CHIC1: variants seen among roughly 807,000 people sequenced by gnomAD.
CHIC1 encodes the protein cysteine rich hydrophobic domain 1.
In CHIC1, 7 loss-of-function variants were observed where a neutral mutation model predicts 18.5. The ratio of observed to expected loss-of-function variants is 0.38; its 90% CI spans 0.22 to 0.71. The LOEUF (loss-of-function observed/expected upper bound fraction) is 0.71. Among genes scored for constraint, CHIC1 ranks in the 30% least tolerant of loss-of-function variants. CHIC1 has a pLI of 0.49. For missense variants in CHIC1, 159 were observed against 176.9 expected (o/e 0.90, Z 0.57); for synonymous variants, 77 against 73.5 (o/e 1.05, Z -0.25).
rs749851022 is a variant in CHIC1 at position 73,685,518 on chromosome X, G to T, written c.*4513G>T. On this transcript the variant is annotated 3_prime_UTR_variant, in exon 6 of 6. Coordinates refer to ENST00000373502, the MANE Select transcript of CHIC1 (RefSeq NM_001039840.4). Reference sequence around the variant, plus strand: ...TGTTGGAACAAATTGATAAAATTAGGTGGAAAGGAAAGTGGTATGGGACTC... The same window carrying T: ...TGTTGGAACAAATTGATAAAATTAGTTGGAAAGGAAAGTGGTATGGGACTC... 9.0e-6 allele frequency: 1 copy of T among 111,588 alleles called. No individual in the cohort carries two copies. Among genetic ancestry groups the T allele is most frequent in the South Asian group, 3.7e-4 (1 of 2,681 alleles). The allele number at this position is 111,588 out of a possible 1,213,427, so 9.2% of individuals were successfully genotyped here.
At chrX:73,642,695 T>C (rs1357924488) in intron 3 of CHIC1, among the ~76,000 whole-genome samples, 2 of 111,251 alleles carry the variant, frequency 1.8e-5, no homozygotes, top group Non-Finnish European at 3.8e-5. Flanking sequence ...TTAATTTTTG[T>C]ATAAAGGTGT....
At chrX:73,647,248 A>G (rs1208313631) in intron 3 of CHIC1, among the ~76,000 whole-genome samples, 1 of 112,190 alleles carries the variant, frequency 8.9e-6, no homozygotes, top group Non-Finnish European at 1.9e-5. Flanking sequence ...AGCCATGCAG[A>G]TTCTCAACAG....
At chrX:73,575,253 A>G (rs984212793) in intron 1 of CHIC1, among the ~76,000 whole-genome samples, 1 of 110,148 alleles carries the variant, frequency 9.1e-6, no homozygotes, top group Non-Finnish European at 1.9e-5. Context: ...TGGGCAAGTC[A>G]TTTAATTTAT....
At chrX:73,601,303 C>G (rs1321610081) in intron 3 of CHIC1, among the ~76,000 whole-genome samples, 2 of 104,750 alleles carry the variant, frequency 1.9e-5, no homozygotes, top group Non-Finnish European at 3.8e-5. Context: ...TGACCACATA[C>G]TTGGAAGTAA....
chrX:73,604,651 A>G (rs965949883), intron 3 of CHIC1, among the ~76,000 whole-genome samples: 1 of 108,849 alleles, frequency 9.2e-6, no homozygotes, highest in Admixed American at 9.7e-5. Context: ...TAGTGCTCTA[A>G]ATTTTCCTCT....
rs937763977 is a variant in CHIC1, at chrX:73,683,475, A to G, written c.*2470A>G. On this transcript the variant is annotated 3_prime_UTR_variant, in exon 6 of 6. Transcript: ENST00000373502. ...TGGTTGCAGTGAATGCTAAAATGAC[A>G]CAGCACACTGGTGATTAATTCCTCC... The G allele has an allele frequency of 2.7e-5, 3 of 111,491 alleles. No individual in the cohort carries two copies. Among genetic ancestry groups the G allele is most frequent in the Admixed American group, 9.6e-5 (1 of 10,446 alleles). 9.2% of individuals were successfully genotyped at this position (111,491 alleles called of 1,213,427 possible). A position where few individuals can be genotyped will look rare whatever the true frequency, so the allele number is the denominator to read the frequency against.
At chrX:73,564,225 T>G (rs968792316) in intron 1 of CHIC1, among the ~76,000 whole-genome samples, 1 of 111,234 alleles carries the variant, frequency 9.0e-6, no homozygotes, top group East Asian at 2.8e-4. Flanking sequence ...TCAGGTTGCT[T>G]TTTCTCATTT....
At position 73,638,401 on chromosome X, in the gene CHIC1, G is replaced by T. The variant is rs140099950; in HGVS notation, c.508-40925G>T. Among the ~76,000 whole-genome samples the T allele has an allele frequency of 6.4e-3, 709 of 111,474 alleles. 8 individuals carry two copies. The highest frequency in any genetic ancestry group is 0.022 in the African/African-American group (664 of 30,698). On this transcript the variant is annotated intron_variant, in intron 3 of 5. Transcript: ENST00000373502. ...TCTTCTTTCTCTGTTTCAAGAGAGA[G>T]AATTGAGATCTGAGTTCCTACCTCA...
chrX:73,655,443 CATAT>C (rs1171857952), intron 3 of CHIC1, among the ~76,000 whole-genome samples: 1 of 44,993 alleles, frequency 2.2e-5, no homozygotes, highest in African/African-American at 7.0e-5. Flanking sequence ...TATATATATA[CATAT>C]ATACACAATA....
intron 3 of CHIC1, among the ~76,000 whole-genome samples, chrX:73,632,132 T>C (rs185321586): frequency 7.1e-5 from 8 of 112,536 alleles, no homozygotes; most frequent in African/African-American, 2.3e-4. Context: ...AAGTGGTTTA[T>C]AAATGTATAT....
At chrX:73,663,824 C>T (rs2057992260) in intron 3 of CHIC1, among the ~76,000 whole-genome samples, 1 of 111,178 alleles carries the variant, frequency 9.0e-6, no homozygotes, top group Non-Finnish European at 1.9e-5. Context: ...ACTGAGCTAT[C>T]TTTGATCCAG....
Position 73,584,480 on chromosome X carries a change from C to G in CHIC1, c.415C>G (p.Pro139Ala), listed in dbSNP as rs368257423. 4 of 1,173,051 alleles carry G rather than the reference C, an allele frequency of 3.4e-6. No individual in the cohort carries two copies. The African/African-American group carries it at 7.2e-5, about 21-fold the overall frequency. The change falls in exon 3 of 6, where the codon CCG becomes GCG. Residue 139 changes from proline (P) to alanine (A), a missense_variant. By Grantham distance (27) the Pro-to-Ala change is conservative. Transcript: ENST00000373502. ...RVNACLKKAL[P>A]VNVKWLLCGC... Reference sequence around the variant, plus strand: ...GAATGCATGTTTGAAAAAGGCTCTCCCGGTCAATGTGAAATGGCTGCTGTG... The same window carrying G: ...GAATGCATGTTTGAAAAAGGCTCTCGCGGTCAATGTGAAATGGCTGCTGTG...
chrX:73,674,570 G>A (rs768061869), intron 3 of CHIC1, among the ~76,000 whole-genome samples: 5 of 111,530 alleles, frequency 4.5e-5, no homozygotes, highest in South Asian at 3.8e-4. Context: ...CTGTGGGATC[G>A]GTGGTGATAT....
At chrX:73,675,960 G>T (rs1220912761) in intron 3 of CHIC1, among the ~76,000 whole-genome samples, 1 of 110,811 alleles carries the variant, frequency 9.0e-6, no homozygotes, top group African/African-American at 3.3e-5. Context: ...TTGCTTGTCT[G>T]TAAAGGATTT....
At chrX:73,597,620 C>T (rs762693489) in intron 3 of CHIC1, among the ~76,000 whole-genome samples, 24 of 104,114 alleles carry the variant, frequency 2.3e-4, no homozygotes, top group African/African-American at 3.8e-4. Context: ...CACACACACA[C>T]ATATATATAT....
chrX:73,675,999 T>C (rs1265767166), intron 3 of CHIC1, among the ~76,000 whole-genome samples: 3 of 111,395 alleles, frequency 2.7e-5, no homozygotes, highest in African/African-American at 9.8e-5. Context: ...GAAGCTCAGT[T>C]TGGCTAGATA....
intron 3 of CHIC1, among the ~76,000 whole-genome samples, chrX:73,675,707 A>G (rs2058058315): frequency 9.0e-6 from 1 of 111,483 alleles, no homozygotes; most frequent in South Asian, 3.8e-4. Context: ...TGTGTCTTTT[A>G]ATTGGAGCAT....
intron 3 of CHIC1, among the ~76,000 whole-genome samples, chrX:73,622,517 G>T (rs1291501085): frequency 7.2e-5 from 8 of 111,474 alleles, no homozygotes; most frequent in Admixed American, 6.7e-4. Context: ...GGTAGTTTGT[G>T]TTTCTGTAGG....
At position 73,682,244 on chromosome X, in the gene CHIC1, TCAG is replaced by T. The variant is rs1393646704; in HGVS notation, c.*1242_*1244del. On this transcript the variant is annotated 3_prime_UTR_variant, in exon 6 of 6. Coordinates refer to ENST00000373502, the MANE Select transcript of CHIC1 (RefSeq NM_001039840.4). ...GACAAAAGTATTTTAGTTTATAAATTCAGCACATATGTAACATTTATTTGGTCC... is the reference window on the plus strand; with the variant it reads ...GACAAAAGTATTTTAGTTTATAAATTCACATATGTAACATTTATTTGGTCC... The T allele has an allele frequency of 8.9e-6, 1 of 112,064 alleles. No homozygotes were observed. Among genetic ancestry groups the T allele is most frequent in the Non-Finnish European group, 1.9e-5 (1 of 52,945 alleles). The allele number at this position is 112,064 out of a possible 1,213,427, so 9.2% of individuals were successfully genotyped here.
Sources: allele counts gnomAD v4.1 joint callset (sites outside exome capture counted in the v4.1 genomes callset), GRCh38; gene constraint gnomAD v4.1.1; transcripts MANE v1.5; gene names NCBI Gene and HGNC (gene_info 2026-07-23, HGNC 2026-07-21).